The following OTUD4 variants were observed in gnomAD, a reference collection of about 807,000 sequenced individuals.
The protein encoded by OTUD4 is OTU deubiquitinase 4, also known as OTU domain-containing protein 4.
Under a neutral mutation model 130.4 loss-of-function variants are expected in OTUD4, and 24 were observed. The observed-to-expected ratio is 0.18, with a 90% CI of 0.13 to 0.26. OTUD4 has a LOEUF of 0.26. Among genes scored for constraint, OTUD4 ranks in the 10% least tolerant of loss-of-function variants. The probability of loss-of-function intolerance (pLI) is 1.00; values close to 1 mark genes in which losing one functional copy is unlikely to be tolerated. For synonymous variants in OTUD4, 420 were observed against 472.5 expected (o/e 0.89, Z 1.44); for missense variants, 1,031 against 1,329.4 (o/e 0.78, Z 3.49).
chr4:145,164,272 G>T, intron 4 of OTUD4, 46 bp from the exon 5 acceptor site: 1 of 885,604 alleles, frequency 1.1e-6, no homozygotes, highest in South Asian at 1.6e-5. Context: ...TATACTTCAT[G>T]AATTTGAATT....
chr4:145,149,160 G>A (rs1750957585), intron 13 of OTUD4, among the ~76,000 whole-genome samples: 1 of 152,098 alleles, frequency 6.6e-6, no homozygotes, highest in African/African-American at 2.4e-5. Flanking sequence ...TATGACTAAT[G>A]CCCTTACAAG....
chr4:145,159,247 C>T (rs1437538702), intron 7 of OTUD4: 2 of 1,263,100 alleles, frequency 1.6e-6, no homozygotes, highest in African/African-American at 1.5e-5. Context: ...CAAATTTATT[C>T]TACAAATATG....
In OTUD4 at chr4:145,150,819, C is replaced by T; in HGVS notation, c.1055G>A (p.Gly352Glu). The T allele has an allele frequency of 1.2e-6, 2 of 1,613,468 alleles. No homozygotes were observed. Among genetic ancestry groups the T allele is most frequent in the South Asian group, 1.1e-5 (1 of 91,032 alleles). ...GCTCCTACCAGAATGGAAATTTTGT[C>T]CAGAAGTGGAAGGTTTTTTCATCTT... Reference protein sequence around the residue: ...GKKMKKPSTSGQNFHSDVDYR... With the variant: ...GKKMKKPSTSEQNFHSDVDYR... The change falls in exon 12 of 21, where the codon GGA becomes GAA. Residue 352 changes from glycine (G) to glutamate (E), a missense_variant. Physicochemically the swap from Gly to Glu is moderately conservative, Grantham distance 98. This residue lies in a region of OTUD4 where 900 missense variants were observed against 1,095.9 expected (regional missense o/e 0.82). Transcript: ENST00000447906.
intron 5 of OTUD4, 133 bp downstream of exon 5, chr4:145,164,019 TAA>T (rs1751723725): frequency 1.8e-6 from 1 of 540,790 alleles, no homozygotes; most frequent in Non-Finnish European, 3.4e-6. Context: ...TAGGAACTTT[TAA>T]GAAATCAGAA....
In OTUD4 at chr4:145,156,013, C is replaced by A. The variant is rs1751270908; in HGVS notation, c.630-17G>T. The A allele has an allele frequency of 6.2e-7, 1 of 1,602,792 alleles. No homozygotes were observed. The highest frequency in any genetic ancestry group is 1.3e-5 in the African/African-American group (1 of 74,536). On this transcript the variant is annotated splice_polypyrimidine_tract_variant and intron_variant, in intron 7 of 20. Transcript: ENST00000447906. ...GTCTTACTCCTACAAAGAAAGATAA[C>A]CATAATTGGGGCAGAAAAAGGTATT...
intron 3 of OTUD4, among the ~76,000 whole-genome samples, chr4:145,168,966 A>G (rs904480739): frequency 6.6e-5 from 10 of 152,266 alleles, no homozygotes; most frequent in African/African-American, 2.4e-4. Context: ...TTTTTCTTCA[A>G]TAAAAAGGAA....
chr4:145,173,195 T>C (rs1241185651), intron 2 of OTUD4, among the ~76,000 whole-genome samples: 1 of 152,002 alleles, frequency 6.6e-6, no homozygotes, highest in Non-Finnish European at 1.5e-5. Flanking sequence ...ATCGAGACCA[T>C]CCTAGCTAAC....
In OTUD4 at chr4:145,137,569, C is replaced by T. The variant is rs150552835; in HGVS notation, c.3206G>A (p.Ser1069Asn). ...TGGCTGTCCTTTCCAGGACTCCTCA[C>T]TTCTCACATGTTGATATCCACCCCT... ...SGRGGYQHVR[S>N]EESWKGQPSR... Residue 1069 changes from serine to asparagine, a missense_variant, in exon 21 of 21, where the codon AGT becomes AAT. Ser to Asn is a conservative substitution (Grantham distance 46, BLOSUM62 1). Transcript: ENST00000447906. The T allele has an allele frequency of 2.1e-5, 34 of 1,613,452 alleles. No individual in the cohort carries two copies. In the African/African-American group the frequency reaches 4.0e-4, roughly 19 times the overall value.
intron 1 of OTUD4, 22 bp downstream of exon 1, chr4:145,179,793 C>T: frequency 1.4e-6 from 2 of 1,461,524 alleles, no homozygotes; most frequent in Non-Finnish European, 1.8e-6. Flanking sequence ...CCTCGAAGCC[C>T]TCCCCGCCCC....
chr4:145,161,287 A>G (rs1751551175), intron 6 of OTUD4, among the ~76,000 whole-genome samples: 2 of 152,222 alleles, frequency 1.3e-5, no homozygotes, highest in South Asian at 2.1e-4. Context: ...GACAAGCTCT[A>G]GGAGCTATCT....
At chr4:145,153,913 C>T (rs1176187375) in intron 10 of OTUD4, among the ~76,000 whole-genome samples, 1 of 152,142 alleles carries the variant, frequency 6.6e-6, no homozygotes, top group Non-Finnish European at 1.5e-5. Context: ...AACAAATCAC[C>T]TTAGAGTCAT....
rs1752607128 is a variant in OTUD4, at chr4:145,179,815, CTG to C, written c.157_158del (p.Gln53GlyfsTer10). The C allele has an allele frequency of 8.4e-7, 1 of 1,195,668 alleles. No individual in the cohort carries two copies. Among genetic ancestry groups the C allele is most frequent in the African/African-American group, 1.6e-5 (1 of 62,504 alleles). 74.1% of individuals were successfully genotyped at this position (1,195,668 alleles called of 1,614,324 possible). ...GSCLFRAVAE[Q>X]VLHSQSRHVE... is the part of the protein sequence containing the mutation. Reference sequence around the variant, plus strand: ...GCCCTCCCCGCCCCCCCGCAATTACCTGCTCCGCCACGGCCCGGAACAGGCAC... The same window carrying C: ...GCCCTCCCCGCCCCCCCGCAATTACCCTCCGCCACGGCCCGGAACAGGCAC... On this transcript the variant is annotated frameshift_variant and splice_region_variant, in exon 1 of 21. Coordinates refer to ENST00000447906, the MANE Select transcript of OTUD4 (RefSeq NM_001366057.1). LOFTEE classifies it high-confidence loss of function.
At chr4:145,153,029 C>A (rs1246135957) in intron 10 of OTUD4, among the ~76,000 whole-genome samples, 1 of 152,058 alleles carries the variant, frequency 6.6e-6, no homozygotes, top group Non-Finnish European at 1.5e-5. Flanking sequence ...GCCACCACAC[C>A]CAGCTTTTAA....
chr4:145,180,537 C>T lies in OTUD4; in HGVS notation c.-564G>A, dbSNP rs1465515103. Among the ~76,000 whole-genome samples, 1 of 152,220 alleles carries T rather than the reference C, an allele frequency of 6.6e-6. No homozygotes were observed. Among genetic ancestry groups the T allele is most frequent in the Non-Finnish European group, 1.5e-5 (1 of 68,040 alleles). On this transcript the variant is annotated 5_prime_UTR_variant, in exon 1 of 21. In the 5' UTR this introduces an upstream ATG that the reference lacks. Transcript: ENST00000447906. ...TGGGGGCGCCCGGGAGAGAACAGCACCTCGCAGCCCAGAATTTGTTTTCGC... is the reference window on the plus strand; with the variant it reads ...TGGGGGCGCCCGGGAGAGAACAGCATCTCGCAGCCCAGAATTTGTTTTCGC...
In OTUD4 at chr4:145,162,623, C is replaced by T; in HGVS notation, c.496+17G>A. The T allele has an allele frequency of 8.1e-7, 1 of 1,229,212 alleles. No individual in the cohort carries two copies. Among genetic ancestry groups the T allele is most frequent in the Non-Finnish European group, 1.2e-6 (1 of 862,772 alleles). 76.1% of individuals were successfully genotyped at this position (1,229,212 alleles called of 1,614,324 possible). ...TTAGGAATATAATTTCCCATATAAA[C>T]ACAAGGTGATACTTACACTGACACA... On this transcript the variant is annotated intron_variant, in intron 6 of 20. Coordinates refer to ENST00000447906, the MANE Select transcript of OTUD4 (RefSeq NM_001366057.1).
intron 5 of OTUD4, among the ~76,000 whole-genome samples, chr4:145,163,205 C>A (rs1267104859): frequency 6.6e-6 from 1 of 152,108 alleles, no homozygotes; most frequent in South Asian, 2.1e-4. Flanking sequence ...AAAGCCAGAT[C>A]CCTTAGAAAG....
intron 3 of OTUD4, among the ~76,000 whole-genome samples, chr4:145,169,167 A>C (rs1560997565): frequency 1.3e-5 from 2 of 152,332 alleles, no homozygotes; most frequent in East Asian, 3.9e-4. Context: ...AGGCAAAAGG[A>C]AACTTTCTGG....
intron 10 of OTUD4, among the ~76,000 whole-genome samples, chr4:145,153,871 A>T (rs886879290): frequency 6.6e-6 from 1 of 152,254 alleles, no homozygotes. Flanking sequence ...TTAGTTATCA[A>T]AAGTTTAAAC....
chr4:145,144,160 T>C (rs1031531830), intron 15 of OTUD4, 151 bp downstream of exon 15: 10 of 1,020,600 alleles, frequency 9.8e-6, no homozygotes, highest in Admixed American at 8.9e-5. Flanking sequence ...ATCCTTTAGC[T>C]TGAGTCAATA....
Sources: allele counts gnomAD v4.1 joint callset (sites outside exome capture counted in the v4.1 genomes callset), GRCh38; gene constraint gnomAD v4.1.1; regional missense constraint gnomAD v4.1.1; transcripts MANE v1.5; gene names NCBI Gene and HGNC (gene_info 2026-07-23, HGNC 2026-07-21).